The following RAB1B variants were observed in gnomAD, a reference collection of about 807,000 sequenced individuals.
The protein encoded by RAB1B is ras-related protein Rab-1B.
Under a neutral mutation model 24.8 loss-of-function variants are expected in RAB1B, and 10 were observed. The observed-to-expected ratio is 0.40, with a 90% CI of 0.25 to 0.68. The LOEUF is 0.68. Among genes scored for constraint, RAB1B ranks in the 30% least tolerant of loss-of-function variants. The pLI is 0.37. For missense variants in RAB1B, 154 were observed against 271.2 expected (o/e 0.57, Z 3.04); for synonymous variants, 99 against 111.7 (o/e 0.89, Z 0.72).
At chr11:66,271,374 G>C (rs1364066061) in intron 1 of RAB1B, 1 of 157,652 alleles carries the variant, frequency 6.3e-6, no homozygotes, top group African/African-American at 2.4e-5. Flanking sequence ...TGTAATCCCA[G>C]CTACTCGGGA....
intron 1 of RAB1B, chr11:66,270,432 G>A (rs1023593230): frequency 1.3e-5 from 2 of 152,358 alleles, no homozygotes; most frequent in East Asian, 3.9e-4. Context: ...ACAAAAATTA[G>A]CTAGTCATGG....
At chr11:66,271,705 C>CA in intron 1 of RAB1B, 92 bp from the exon 2 acceptor site, 2 of 885,996 alleles carry the variant, frequency 2.3e-6, no homozygotes. Flanking sequence ...AGGGATGCCT[C>CA]ATGGGGTGGG....
At chr11:66,272,136 C>T (rs745720151) in intron 2 of RAB1B, 21 bp from the exon 3 acceptor site, 2 of 1,563,312 alleles carry the variant, frequency 1.3e-6, no homozygotes, top group East Asian at 4.5e-5. Flanking sequence ...CCCATGATTT[C>T]ATTGGCCCCT....
intron 4 of RAB1B, among the ~76,000 whole-genome samples, chr11:66,275,526 C>A (rs1449898780): frequency 6.6e-6 from 1 of 152,140 alleles, no homozygotes; most frequent in Non-Finnish European, 1.5e-5. Context: ...GGGAGAGAGA[C>A]AGCTGCAGGG....
intron 1 of RAB1B, 179 bp from the exon 2 acceptor site, chr11:66,271,618 C>T (rs1365071645): frequency 3.6e-6 from 2 of 554,418 alleles, no homozygotes; most frequent in Admixed American, 3.1e-5. Flanking sequence ...CTGCAATGAG[C>T]CGTGATCACT....
rs902868188 is a variant in RAB1B at position 66,276,544 on chromosome 11, C to T, written c.*306C>T. 3.7e-5 allele frequency: 13 copies of T among 354,728 alleles called. No individual in the cohort carries two copies. Among genetic ancestry groups the T allele is most frequent in the Non-Finnish European group, 4.1e-5 (8 of 196,172 alleles). 22.0% of individuals were successfully genotyped at this position (354,728 alleles called of 1,614,324 possible). On this transcript the variant is annotated 3_prime_UTR_variant, in exon 6 of 6. Transcript: ENST00000311481. ...TTCTTTGGAACGAGGGCTCTTCTGT[C>T]GGTGTCCCTCCCACCCCCATGTATG... is the stretch of plus-strand genomic sequence containing the variant.
At chr11:66,269,048 T>A (rs1857003540) in intron 1 of RAB1B, among the ~76,000 whole-genome samples, 1 of 152,064 alleles carries the variant, frequency 6.6e-6, no homozygotes, top group South Asian at 2.1e-4. Flanking sequence ...CCCGGAGTTT[T>A]GGAGCCCGTC....
rs1334001109 is a variant in RAB1B at position 66,276,947 on chromosome 11, C to G, written c.*709C>G. The G allele has an allele frequency of 6.5e-6, 1 of 153,192 alleles. No homozygotes were observed. The highest frequency in any genetic ancestry group is 1.5e-5 in the Non-Finnish European group (1 of 68,528). The allele number at this position is 153,192 out of a possible 1,614,324, so 9.5% of individuals were successfully genotyped here. On this transcript the variant is annotated 3_prime_UTR_variant, in exon 6 of 6. Transcript: ENST00000311481. Reference sequence around the variant, plus strand: ...CAGAGACAGACCCATGCGCTGCCTGCCCACCGTGCCCCTTTGTCCCCATGT... The same window carrying G: ...CAGAGACAGACCCATGCGCTGCCTGGCCACCGTGCCCCTTTGTCCCCATGT...
chr11:66,268,673 C>G lies in RAB1B; in HGVS notation c.-7C>G. 1 of 1,566,742 alleles carries G rather than the reference C, an allele frequency of 6.4e-7. No homozygotes were observed. Among genetic ancestry groups the G allele is most frequent in the Non-Finnish European group, 8.6e-7 (1 of 1,158,438 alleles). The stretch of plus-strand genomic sequence containing the variant: ...TGGGAGCGACCGAGCGGGCCGCCGC[C>G]GCCGCCATGAACCCCGAATAGTGAG... On this transcript the variant is annotated 5_prime_UTR_variant, in exon 1 of 6. Transcript: ENST00000311481.
At chr11:66,275,122 G>A (rs1204669683) in intron 4 of RAB1B, among the ~76,000 whole-genome samples, 1 of 152,200 alleles carries the variant, frequency 6.6e-6, no homozygotes. Context: ...TTGGAACATG[G>A]CAAGAGGTCT....
chr11:66,272,240 C>G lies in RAB1B; in HGVS notation c.171C>G (p.Ile57Met). The change falls in exon 3 of 6, where the codon ATC becomes ATG. Residue 57 changes from isoleucine (I) to methionine (M), a missense_variant. Ile to Met is a conservative substitution (Grantham distance 10, BLOSUM62 1). This residue lies in a region of RAB1B where 77 missense variants were observed against 173.4 expected (regional missense o/e 0.44). Coordinates refer to ENST00000311481, the MANE Select transcript of RAB1B (RefSeq NM_030981.3). ...CCATCGAGCTGGATGGCAAAACTAT[C>G]AAACTTCAGATCGTGAGTGTCGCTC... ...IRTIELDGKT[I>M]KLQIWDTAGQ... 1.2e-6 allele frequency: 2 copies of G among 1,613,430 alleles called. No individual in the cohort carries two copies. Among genetic ancestry groups the G allele is most frequent in the Non-Finnish European group, 1.7e-6 (2 of 1,179,336 alleles).
At chr11:66,271,639 G>A (rs1013215084) in intron 1 of RAB1B, 158 bp from the exon 2 acceptor site, 3 of 589,796 alleles carry the variant, frequency 5.1e-6, no homozygotes, top group Non-Finnish European at 9.2e-6. Context: ...TCAGTGCACT[G>A]TAGCCTGGGT....
Position 66,276,973 on chromosome 11 carries a change from C to CAGGCGG in RAB1B, c.*743_*748dup, listed in dbSNP as rs1857161000. 2 of 152,940 alleles carry CAGGCGG rather than the reference C, an allele frequency of 1.3e-5. No individual in the cohort carries two copies. The highest frequency in any genetic ancestry group is 2.9e-5 in the Non-Finnish European group (2 of 68,318). The allele number at this position is 152,940 out of a possible 1,614,324, so 9.5% of individuals were successfully genotyped here. ...CCACCGTGCCCCTTTGTCCCCATGTCAGGCGGAGGCGGAAGGCCCACCGTG... is the reference window on the plus strand; with the variant it reads ...CCACCGTGCCCCTTTGTCCCCATGTCAGGCGGAGGCGGAGGCGGAAGGCCCACCGTG... On this transcript the variant is annotated 3_prime_UTR_variant, in exon 6 of 6. Coordinates refer to ENST00000311481, the MANE Select transcript of RAB1B (RefSeq NM_030981.3).
At position 66,268,683 on chromosome 11, in the gene RAB1B, A is replaced by G. The variant is rs1206589936; in HGVS notation, c.4A>G (p.Asn2Asp). 1 of 1,570,894 alleles carries G rather than the reference A, an allele frequency of 6.4e-7. No individual in the cohort carries two copies. The highest frequency in any genetic ancestry group is 8.6e-7 in the Non-Finnish European group (1 of 1,160,676). ...CGAGCGGGCCGCCGCCGCCGCCATG[A>G]ACCCCGAATAGTGAGTGAGCCCCGC... Reference protein sequence around the residue: MNPEYDYLFKLL... With the variant: MDPEYDYLFKLL... The change falls in exon 1 of 6, where the codon AAC (asparagine) becomes GAC (aspartate). Residue 2 changes from asparagine to aspartate, a missense_variant. By Grantham distance (23) the Asn-to-Asp change is conservative. Around this residue, in one of 2 missense-constraint regions of RAB1B, gnomAD observed 77 missense variants for 173.4 expected, o/e 0.44. Coordinates refer to ENST00000311481, the MANE Select transcript of RAB1B (RefSeq NM_030981.3).
rs1258304749 is a variant in RAB1B at position 66,268,706 on chromosome 11, C to T, written c.14+13C>T. On this transcript the variant is annotated intron_variant, in intron 1 of 5. Transcript: ENST00000311481. Reference sequence around the variant, plus strand: ...TGAACCCCGAATAGTGAGTGAGCCCCGCCCGCGCCGTCCAGCGCAGCCTCG... The same window carrying T: ...TGAACCCCGAATAGTGAGTGAGCCCTGCCCGCGCCGTCCAGCGCAGCCTCG... The T allele has an allele frequency of 1.3e-6, 2 of 1,563,174 alleles. No individual in the cohort carries two copies. The highest frequency in any genetic ancestry group is 3.9e-5 in the Admixed American group (2 of 51,034).
At chr11:66,272,492 C>T (rs200611152) in intron 4 of RAB1B, 32 bp downstream of exon 4, 3 of 1,438,452 alleles carry the variant, frequency 2.1e-6, no homozygotes, top group East Asian at 2.3e-5. Flanking sequence ...TCAGCTTGGC[C>T]TCCTTAGCCT....
intron 1 of RAB1B, among the ~76,000 whole-genome samples, chr11:66,269,373 A>C (rs938564083): frequency 6.6e-6 from 1 of 152,102 alleles, no homozygotes; most frequent in Admixed American, 6.6e-5. Context: ...ACTGCCTGTG[A>C]AGTTTAGATG....
In RAB1B at chr11:66,272,352, T is replaced by A; in HGVS notation, c.184-13T>A. 1.2e-6 allele frequency: 2 copies of A among 1,611,430 alleles called. No individual in the cohort carries two copies. Among genetic ancestry groups the A allele is most frequent in the Non-Finnish European group, 1.7e-6 (2 of 1,177,766 alleles). On this transcript the variant is annotated splice_polypyrimidine_tract_variant and intron_variant, in intron 3 of 5. Coordinates refer to ENST00000311481, the MANE Select transcript of RAB1B (RefSeq NM_030981.3). ...ACCTCAGCTGACCTGCTCCTCTGCC[T>A]ACTGTCTCCTAGTGGGACACAGCGG... is the stretch of plus-strand genomic sequence containing the variant.
In RAB1B at chr11:66,272,880, G is replaced by A. The variant is rs1857083943; in HGVS notation, c.279+420G>A. Among the ~76,000 whole-genome samples, 5 of 152,236 alleles carry A rather than the reference G, an allele frequency of 3.3e-5. No individual in the cohort carries two copies. In the South Asian group the frequency reaches 1.0e-3, roughly 31 times the overall value. Reference sequence around the variant, plus strand: ...AGAGGGCCTTAGACAAAGAAGCAGGGAAGCTTGAGCTCTGGGCCCAATGTG... The same window carrying A: ...AGAGGGCCTTAGACAAAGAAGCAGGAAAGCTTGAGCTCTGGGCCCAATGTG... On this transcript the variant is annotated intron_variant, in intron 4 of 5. Transcript: ENST00000311481.
Sources: gnomAD v4.1 joint callset for allele counts (sites outside exome capture counted in the v4.1 genomes callset) on GRCh38, gnomAD v4.1.1 for gene constraint, gnomAD v4.1.1 regional missense constraint, MANE v1.5 for transcripts, NCBI Gene and HGNC (gene_info 2026-07-23, HGNC 2026-07-21) for gene names.